NAV2: variants seen among roughly 807,000 people sequenced by gnomAD.
NAV2 encodes the protein helicase, APC down-regulated 1.
In NAV2, 54 loss-of-function variants were observed where a neutral mutation model predicts 223.2. The ratio of observed to expected loss-of-function variants is 0.24; its 90% CI spans 0.19 to 0.30. The LOEUF (loss-of-function observed/expected upper bound fraction) is 0.30, where lower values mean the gene tolerates loss of function less well. Ranked by LOEUF, NAV2 falls within the 10% of genes least tolerant of loss-of-function variation. The pLI is 1.00. For synonymous variants in NAV2, 1,279 were observed against 1,239.3 expected (o/e 1.03, Z -0.67); for missense variants, 2,806 against 3,147.5 (o/e 0.89, Z 2.60).
At chr11:19,860,286 C>T (rs9667982) in intron 3 of NAV2, among the ~76,000 whole-genome samples, 53,585 of 112,278 alleles carry the variant, frequency 0.48, 10,925 homozygotes, top group African/African-American at 0.57. Context: ...GGGCGGCTGC[C>T]GGGCGGAGGG....
chr11:19,777,537 C>A (rs1161336887), intron 1 of NAV2: 4 of 455,190 alleles, frequency 8.8e-6, no homozygotes, highest in South Asian at 1.6e-5. Context: ...GATTGCAGAC[C>A]GCACCCCCTG....
rs765987565 is a variant in NAV2, at chr11:19,933,574, G to T, written c.1330G>T (p.Ala444Ser). The change falls in exon 7 of 38, where the codon GCC (alanine) becomes TCC (serine). Residue 444 changes from alanine (A) to serine (S), a missense_variant. Around this residue, in one of 4 missense-constraint regions of NAV2, gnomAD observed 1,167 missense variants for 1,180.5 expected, o/e 0.99. Transcript: ENST00000349880. The surrounding 1 kb of genome is among the most constrained non-coding windows in gnomAD (Gnocchi z 4.3). ...PSFEESEELE[A>S]ASRMLTTVGP... ...CTTCGAAGAGAGCGAGGAGCTGGAG[G>T]CCGCCAGTCGCATGCTCACCACCGT... The T allele has an allele frequency of 6.2e-7, 1 of 1,610,840 alleles. No homozygotes were observed. Among genetic ancestry groups the T allele is most frequent in the Non-Finnish European group, 8.5e-7 (1 of 1,177,804 alleles).
intron 1 of NAV2, among the ~76,000 whole-genome samples, chr11:19,427,390 A>T (rs1019335124): frequency 6.6e-5 from 10 of 152,218 alleles, no homozygotes; most frequent in African/African-American, 2.4e-4. Flanking sequence ...AGAAGAGCAC[A>T]TGCAGCTAGG....
At chr11:20,063,896 A>G (rs762699762) in intron 20 of NAV2, among the ~76,000 whole-genome samples, 1 of 152,202 alleles carries the variant, frequency 6.6e-6, no homozygotes, top group African/African-American at 2.4e-5. Context: ...CAAGTTAAAG[A>G]TACCAGGGCC....
intron 26 of NAV2, among the ~76,000 whole-genome samples, chr11:20,088,037 C>G (rs916474106): frequency 6.6e-6 from 1 of 152,014 alleles, no homozygotes; most frequent in Non-Finnish European, 1.5e-5. Flanking sequence ...AGCAGCCAAG[C>G]AGAGGTAACA....
intron 1 of NAV2, among the ~76,000 whole-genome samples, chr11:19,556,223 G>GGTATTT (rs2134712143): frequency 6.6e-6 from 1 of 152,326 alleles, no homozygotes; most frequent in South Asian, 2.1e-4. Flanking sequence ...TTGTAAAAGT[G>GGTATTT]ACAGGTTCAA....
chr11:19,694,678 G>C (rs1304934552), intron 1 of NAV2, among the ~76,000 whole-genome samples: 1 of 152,168 alleles, frequency 6.6e-6, no homozygotes, highest in Non-Finnish European at 1.5e-5. Flanking sequence ...GTCAGCTGGT[G>C]GTGTCTGGTC....
chr11:19,765,089 G>A (rs942557976), intron 1 of NAV2, among the ~76,000 whole-genome samples: 1 of 152,160 alleles, frequency 6.6e-6, no homozygotes, highest in African/African-American at 2.4e-5. Flanking sequence ...CCATGGTGTA[G>A]CCAGTGTATA....
chr11:19,720,449 G>A (rs770336467), intron 1 of NAV2, among the ~76,000 whole-genome samples: 17 of 152,250 alleles, frequency 1.1e-4, no homozygotes, highest in Non-Finnish European at 1.9e-4. Flanking sequence ...TGGGCCCCCA[G>A]CCTCAGAATA....
Position 19,833,254 on chromosome 11 carries a change from C to A in NAV2, c.385+653C>A, listed in dbSNP as rs528852046. Among the ~76,000 whole-genome samples, 2 of 152,268 alleles carry A rather than the reference C, an allele frequency of 1.3e-5. 1 individual carries two copies. Among genetic ancestry groups the A allele is most frequent in the African/African-American group, 4.8e-5 (2 of 41,564 alleles). On this transcript the variant is annotated intron_variant, in intron 2 of 37. Transcript: ENST00000349880. ...GAGCAGACAGAGGAGGCTTACAGGT[C>A]AATTGGACAGCATTAGCCTGATTAT...
At chr11:19,609,930 A>G (rs1459023005) in intron 1 of NAV2, among the ~76,000 whole-genome samples, 4 of 152,348 alleles carry the variant, frequency 2.6e-5, no homozygotes, top group East Asian at 1.9e-4. Flanking sequence ...AGCCCTTACT[A>G]TATGCAGAAG....
chr11:19,860,054 A>C (rs1354113152), intron 3 of NAV2, among the ~76,000 whole-genome samples: 11 of 80,016 alleles, frequency 1.4e-4, no homozygotes, highest in Non-Finnish European at 1.8e-4. Context: ...GACCCCCCCC[A>C]ACTCCCTCCT....
At chr11:19,648,022 G>T (rs574728167) in intron 1 of NAV2, among the ~76,000 whole-genome samples, 1 of 152,324 alleles carries the variant, frequency 6.6e-6, no homozygotes, top group East Asian at 1.9e-4. Flanking sequence ...CTTCTCTGTA[G>T]GGGAGGGTGG....
intron 1 of NAV2, among the ~76,000 whole-genome samples, chr11:19,419,680 G>A (rs2729924): frequency 0.71 from 107,723 of 152,068 alleles, 38,198 homozygotes; most frequent in Admixed American, 0.73. Context: ...CCACTCACAC[G>A]CTTAGAAACA....
chr11:20,096,524 G>A (rs1359842087), intron 30 of NAV2, among the ~76,000 whole-genome samples: 1 of 152,184 alleles, frequency 6.6e-6, no homozygotes. Flanking sequence ...CCATTTAAAG[G>A]TGAAGAAAGT....
chr11:19,459,670 A>G (rs1388819665), intron 1 of NAV2, among the ~76,000 whole-genome samples: 1 of 152,226 alleles, frequency 6.6e-6, no homozygotes, highest in African/African-American at 2.4e-5. Context: ...AGAGAATGCT[A>G]TGATGGTTGT....
rs559706853 is a variant in NAV2 at position 19,769,007 on chromosome 11, A to T, written c.267+55045A>T. On this transcript the variant is annotated intron_variant, in intron 1 of 37. Coordinates refer to ENST00000349880, the MANE Select transcript of NAV2 (RefSeq NM_145117.5). The stretch of plus-strand genomic sequence containing the variant: ...TGAACCTCTCATTAGGCAGCTGTGC[A>T]GCTTTGGACAGCTCATTCAACCTCT... Among the ~76,000 whole-genome samples, 4 of 152,366 alleles carry T rather than the reference A, an allele frequency of 2.6e-5. No homozygotes were observed. The South Asian group carries it at 8.3e-4, about 32-fold the overall frequency.
rs969018240 is a variant in NAV2 at position 19,789,649 on chromosome 11, C to T, written c.268-42835C>T. Among the ~76,000 whole-genome samples, 3 of 152,122 alleles carry T rather than the reference C, an allele frequency of 2.0e-5. No homozygotes were observed. The East Asian group carries it at 5.8e-4, about 29-fold the overall frequency. ...GTGAAAATGAAATCAGTTATCAGGT[C>T]TTGATTAGAGGCAGAAAAATTTCAT... On this transcript the variant is annotated intron_variant, in intron 1 of 37. Transcript: ENST00000349880.
chr11:19,506,018 C>G (rs2043113426), intron 1 of NAV2: 1 of 152,258 alleles, frequency 6.6e-6, no homozygotes, highest in Non-Finnish European at 1.5e-5. Flanking sequence ...TGGGATTCAG[C>G]TGGATGAGCG....
Sources: allele counts gnomAD v4.1 joint callset (sites outside exome capture counted in the v4.1 genomes callset), GRCh38; gene constraint gnomAD v4.1.1; regional missense constraint gnomAD v4.1.1; non-coding constraint Gnocchi (gnomAD v3.1); transcripts MANE v1.5; gene names NCBI Gene and HGNC (gene_info 2026-07-23, HGNC 2026-07-21).